The following TYW1B variants were observed in gnomAD, a reference collection of about 807,000 sequenced individuals.
The protein encoded by TYW1B is S-adenosyl-L-methionine-dependent tRNA 4-demethylwyosine synthase TYW1B.
TYW1B carries 73 observed loss-of-function variants against 86.9 expected under a neutral mutation model. That is an observed-to-expected ratio of 0.84 (90% CI 0.70 to 1.02). The LOEUF is 1.02. Among genes scored for constraint, TYW1B ranks in the 50% least tolerant of loss-of-function variants. The pLI is 0.00. For missense variants in TYW1B, 637 were observed against 827.4 expected, an observed-to-expected ratio of 0.77 and a Z score of 2.82; for synonymous variants, 248 against 292.8, an observed-to-expected ratio of 0.85 and a Z score of 1.56.
At position 72,777,438 on chromosome 7, in the gene TYW1B, G is replaced by A. The variant is rs1554470752; in HGVS notation, c.942C>T (p.Leu314=). The part of the protein sequence containing the change: ...GERRAMITPA[L]REALTKQVDA... ...CACCTTGTTTAGTAAGGGCTTCTCG[G>A]AGAGCAGGAGTTATCATAGCTCTTC... is the stretch of plus-strand genomic sequence containing the variant. The change falls in exon 7 of 14, where the codon CTC becomes CTT. Residue 314 remains leucine (L), a synonymous_variant. Coordinates refer to ENST00000620995, the MANE Select transcript of TYW1B (RefSeq NM_001145440.3). 2 of 1,613,844 alleles carry A rather than the reference G, an allele frequency of 1.2e-6. No homozygotes were observed. Among genetic ancestry groups the A allele is most frequent in the Non-Finnish European group, 1.7e-6 (2 of 1,179,946 alleles).
At chr7:72,817,244 A>T (rs1401033291) in intron 2 of TYW1B, among the ~76,000 whole-genome samples, 1 of 152,010 alleles carries the variant, frequency 6.6e-6, no homozygotes, top group African/African-American at 2.4e-5. Context: ...TCTCTACTAA[A>T]AATACAAAAA....
At position 72,728,879 on chromosome 7, in the gene TYW1B, C is replaced by T. The variant is rs1787053806; in HGVS notation, c.1135G>A (p.Glu379Lys). Residue 379 changes from glutamate to lysine, a missense_variant, in exon 9 of 14, where the codon GAA (glutamate) becomes AAA (lysine). Physicochemically the swap from Glu to Lys is moderately conservative, Grantham distance 56. Coordinates refer to ENST00000620995, the MANE Select transcript of TYW1B (RefSeq NM_001145440.3). The stretch of plus-strand genomic sequence containing the variant: ...TCAATGGCTTCCTTCAAGATCATTT[C>T]AGGCTGGTCCATCTTCCACAACCAT... ...TEWLWKMDQP[E>K]MILKEAIENH... The T allele has an allele frequency of 1.2e-6, 2 of 1,614,008 alleles. No homozygotes were observed. Among genetic ancestry groups the T allele is most frequent in the Non-Finnish European group, 1.7e-6 (2 of 1,179,944 alleles).
Position 72,694,816 on chromosome 7 carries a change from G to A in TYW1B, c.1377C>T (p.Leu459=), listed in dbSNP as rs782639461. 47 of 1,582,342 alleles carry A rather than the reference G, an allele frequency of 3.0e-5. No individual in the cohort carries two copies. Among genetic ancestry groups the A allele is most frequent in the Middle Eastern group, 1.7e-4 (1 of 5,904 alleles). Residue 459 remains leucine (L), a synonymous_variant, in exon 11 of 14, where the codon CTC becomes CTT. Transcript: ENST00000620995. ...NAQFPAEIRN[L]EPVTQLYVSV... Reference sequence around the variant, plus strand: ...TGACATACAGCTGAGTAACTGGCTCGAGGTTCCTTAGTAATTTTTTTTTTT... The same window carrying A: ...TGACATACAGCTGAGTAACTGGCTCAAGGTTCCTTAGTAATTTTTTTTTTT...
chr7:72,792,610 C>A (rs1788239821), intron 6 of TYW1B, among the ~76,000 whole-genome samples: 1 of 152,122 alleles, frequency 6.6e-6, no homozygotes, highest in African/African-American at 2.4e-5. Flanking sequence ...CCCTTAGATG[C>A]CGGAATTTCA....
intron 5 of TYW1B, among the ~76,000 whole-genome samples, chr7:72,805,324 T>C (rs1034931141): frequency 5.4e-5 from 8 of 148,144 alleles, no homozygotes; most frequent in African/African-American, 1.5e-4. Context: ...ATCAAAAGAA[T>C]TTTAAAGGCC....
At chr7:72,695,089 A>C (rs782636884) in intron 10 of TYW1B, among the ~76,000 whole-genome samples, 5 of 152,162 alleles carry the variant, frequency 3.3e-5, no homozygotes, top group Non-Finnish European at 7.3e-5. Context: ...ACTAAGTTTG[A>C]ATGGAAAATA....
At chr7:72,701,639 T>C (rs1432389752) in intron 10 of TYW1B, among the ~76,000 whole-genome samples, 1 of 152,194 alleles carries the variant, frequency 6.6e-6, no homozygotes, top group Non-Finnish European at 1.5e-5. Context: ...TTTGGTTGGT[T>C]ACTTTGGTTT....
Position 72,807,065 on chromosome 7 carries a change from C to A in TYW1B, c.723+1G>T, listed in dbSNP as rs1554476836. The A allele has an allele frequency of 6.2e-7, 1 of 1,613,426 alleles. No individual in the cohort carries two copies. The highest frequency in any genetic ancestry group is 2.2e-5 in the East Asian group (1 of 44,872). On this transcript the variant is annotated splice_donor_variant, in intron 5 of 13. Transcript: ENST00000620995. LOFTEE classifies it high-confidence loss of function. ...AAGAGATGAACACACAGGCGGTATA[C>A]CTTGGTGTCTCTGTGATGCAATTCG...
chr7:72,616,053 C>G (rs1554436829), intron 13 of TYW1B, among the ~76,000 whole-genome samples: 1 of 152,104 alleles, frequency 6.6e-6, no homozygotes, highest in African/African-American at 2.4e-5. Context: ...GAAATAAAGA[C>G]TAAGAAATTT....
intron 11 of TYW1B, among the ~76,000 whole-genome samples, chr7:72,675,972 T>C (rs1222040730): frequency 2.0e-5 from 3 of 152,128 alleles, no homozygotes; most frequent in Non-Finnish European, 4.4e-5. Flanking sequence ...TACTATGCTG[T>C]TCTGGTTCAA....
chr7:72,636,600 C>G (rs1165708437), intron 11 of TYW1B, among the ~76,000 whole-genome samples: 4 of 152,150 alleles, frequency 2.6e-5, no homozygotes, highest in African/African-American at 9.7e-5. Context: ...TCCTTCTAAT[C>G]CTAATTGGCT....
At chr7:72,593,184 C>T (rs146802949) in intron 13 of TYW1B, among the ~76,000 whole-genome samples, 21,554 of 151,482 alleles carry the variant, frequency 0.14, 2,313 homozygotes, top group East Asian at 0.56. Context: ...CCCAGCTACT[C>T]GGGGGGCTGA....
intron 13 of TYW1B, among the ~76,000 whole-genome samples, chr7:72,603,841 G>T (rs781555173): frequency 1.6e-4 from 24 of 152,160 alleles, no homozygotes; most frequent in East Asian, 5.8e-4. Flanking sequence ...AATCCCTCGA[G>T]TACCCCTCAA....
chr7:72,744,211 C>T (rs1209261309), intron 8 of TYW1B, among the ~76,000 whole-genome samples: 3 of 151,944 alleles, frequency 2.0e-5, no homozygotes, highest in Non-Finnish European at 2.9e-5. Flanking sequence ...CACTATTTAT[C>T]GATAATCACT....
intron 7 of TYW1B, among the ~76,000 whole-genome samples, chr7:72,745,943 C>A (rs58075181): frequency 0.033 from 4,947 of 151,576 alleles, 278 homozygotes; most frequent in African/African-American, 0.11. Flanking sequence ...TGACTCACTG[C>A]ACCCTCTGCC....
At position 72,670,655 on chromosome 7, in the gene TYW1B, G is replaced by A. The variant is rs1310483303; in HGVS notation, c.1506+24032C>T. Among the ~76,000 whole-genome samples the A allele has an allele frequency of 4.6e-5, 7 of 152,330 alleles. No individual in the cohort carries two copies. In the East Asian group the frequency reaches 1.3e-3, roughly 29 times the overall value. On this transcript the variant is annotated intron_variant, in intron 11 of 13. Coordinates refer to ENST00000620995, the MANE Select transcript of TYW1B (RefSeq NM_001145440.3). ...TCGCATTCTGCTCGCTTTCTGAGGAGTAGAAAGACCCCCATGGGCTTCCAG... is the reference window on the plus strand; with the variant it reads ...TCGCATTCTGCTCGCTTTCTGAGGAATAGAAAGACCCCCATGGGCTTCCAG...
chr7:72,620,694 A>T (rs577036871), intron 12 of TYW1B, among the ~76,000 whole-genome samples: 1 of 152,008 alleles, frequency 6.6e-6, no homozygotes, highest in African/African-American at 2.4e-5. Context: ...TATCTAAAAA[A>T]CTTTCCCTTC....
intron 13 of TYW1B, among the ~76,000 whole-genome samples, chr7:72,596,374 C>T (rs538120748): frequency 2.6e-5 from 4 of 152,192 alleles, no homozygotes; most frequent in East Asian, 3.9e-4. Flanking sequence ...AGGACTCACA[C>T]TCCCTGATTT....
intron 13 of TYW1B, among the ~76,000 whole-genome samples, chr7:72,603,220 T>TA (rs1811714540): frequency 6.8e-6 from 1 of 146,000 alleles, no homozygotes; most frequent in Non-Finnish European, 1.5e-5. Flanking sequence ...GCTGGACAGA[T>TA]AGACACAGAC....
Sources: gnomAD v4.1 joint callset for allele counts (sites outside exome capture counted in the v4.1 genomes callset) on GRCh38, gnomAD v4.1.1 for gene constraint, MANE v1.5 for transcripts, NCBI Gene and HGNC (gene_info 2026-07-23, HGNC 2026-07-21) for gene names.